Variants in EGF observed in about 807,000 individuals in gnomAD.
The protein encoded by EGF is epidermal growth factor.
A neutral mutation model predicts 143.8 loss-of-function variants in EGF; 95 were observed. The ratio of observed to expected loss-of-function variants is 0.66; its 90% CI spans 0.56 to 0.78. EGF has a LOEUF of 0.78. EGF is among the 30% of genes least tolerant of loss of function. The pLI, the probability that EGF is intolerant of heterozygous loss-of-function variation, is 0.00. For synonymous variants in EGF, 510 were observed against 510.5 expected, an observed-to-expected ratio of 1.00 and a Z score of 0.01; for missense variants, 1,320 against 1,470.9, an observed-to-expected ratio of 0.90 and a Z score of 1.68.
At position 109,959,429 on chromosome 4, in the gene EGF, A is replaced by G. The variant is rs1293727643; in HGVS notation, c.1058A>G (p.Tyr353Cys). Residue 353 changes from tyrosine to cysteine, a missense_variant, in exon 6 of 24, where the codon TAC (tyrosine) becomes TGC (cysteine). Coordinates refer to ENST00000265171, the MANE Select transcript of EGF (RefSeq NM_001963.6). ...TACGCCCTAAGTCGAGACCGGAAGT[A>G]CTGTGAAGGTAATGACTGGAAGTAC... ...EGYALSRDRK[Y>C]CEDVNECAFW... The G allele has an allele frequency of 1.2e-6, 2 of 1,613,812 alleles. No homozygotes were observed. Among genetic ancestry groups the G allele is most frequent in the South Asian group, 1.1e-5 (1 of 91,074 alleles).
chr4:109,976,327 T>A, intron 13 of EGF, 92 bp downstream of exon 13: 1 of 1,088,122 alleles, frequency 9.2e-7, no homozygotes, highest in Non-Finnish European at 1.4e-6. Flanking sequence ...ACATACCACT[T>A]AGCCGTATGG....
intron 5 of EGF, among the ~76,000 whole-genome samples, chr4:109,955,585 A>G (rs1426380276): frequency 6.6e-6 from 1 of 152,206 alleles, no homozygotes; most frequent in African/African-American, 2.4e-5. Flanking sequence ...TGTATTGTTA[A>G]TAAGCATCAC....
intron 21 of EGF, among the ~76,000 whole-genome samples, chr4:110,003,874 T>C (rs1352017017): frequency 6.6e-6 from 1 of 152,202 alleles, no homozygotes; most frequent in African/African-American, 2.4e-5. Flanking sequence ...TCTAATTTCT[T>C]TATGAGTGAG....
chr4:109,965,448 A>G (rs1051517600), intron 10 of EGF, among the ~76,000 whole-genome samples: 2 of 152,162 alleles, frequency 1.3e-5, no homozygotes, highest in African/African-American at 4.8e-5. Context: ...ACACTAGCAA[A>G]CAATTCTTTT....
At chr4:109,919,914 T>C (rs1394848524) in intron 1 of EGF, among the ~76,000 whole-genome samples, 3 of 151,790 alleles carry the variant, frequency 2.0e-5, no homozygotes, top group Admixed American at 6.5e-5. Flanking sequence ...GTGTAAACGA[T>C]ACACATCTGT....
At chr4:110,011,144 T>C in intron 23 of EGF, 58 bp from the exon 24 acceptor site, 2 of 1,597,590 alleles carry the variant, frequency 1.3e-6, no homozygotes, top group South Asian at 2.2e-5. Flanking sequence ...TTAGGGTCTG[T>C]CTTGCCTATC....
intron 1 of EGF, among the ~76,000 whole-genome samples, chr4:109,924,908 C>G (rs1269388783): frequency 6.6e-6 from 1 of 152,150 alleles, no homozygotes; most frequent in East Asian, 1.9e-4. Flanking sequence ...CGACGAACCT[C>G]ACAAAAACTG....
intron 21 of EGF, among the ~76,000 whole-genome samples, chr4:110,003,356 T>C (rs2126184152): frequency 1.3e-5 from 2 of 152,348 alleles, no homozygotes; most frequent in Middle Eastern, 6.8e-3. Context: ...TAATAGCCAT[T>C]CTGACTGGTA....
Position 109,980,027 on chromosome 4 carries a change from T to C in EGF, c.2109T>C (p.Ala703=). Reference sequence around the variant, plus strand: ...ATTATGTGTGGTTCTCAGATTGGGCTATGCCATCAGTAATGAGAGTAAACA... The same window carrying C: ...ATTATGTGTGGTTCTCAGATTGGGCCATGCCATCAGTAATGAGAGTAAACA... The part of the protein sequence containing the change: ...FEDYVWFSDW[A]MPSVMRVNKR... Residue 703 remains alanine, a synonymous_variant, in exon 14 of 24, where the codon GCT becomes GCC. Coordinates refer to ENST00000265171, the MANE Select transcript of EGF (RefSeq NM_001963.6). 1.2e-6 allele frequency: 2 copies of C among 1,614,092 alleles called. No individual in the cohort carries two copies. Among genetic ancestry groups the C allele is most frequent in the Non-Finnish European group, 8.5e-7 (1 of 1,179,966 alleles).
intron 10 of EGF, among the ~76,000 whole-genome samples, chr4:109,964,944 T>C (rs1746307092): frequency 1.3e-5 from 2 of 152,162 alleles, no homozygotes; most frequent in Middle Eastern, 3.4e-3. Flanking sequence ...GATTAGTAAT[T>C]TGTGTTTTAC....
chr4:109,999,925 T>C (rs2126174530), intron 21 of EGF, 79 bp downstream of exon 21: 2 of 1,583,804 alleles, frequency 1.3e-6, no homozygotes, highest in East Asian at 2.2e-5. Flanking sequence ...TGAGATGAGA[T>C]GTATGAAATA....
chr4:109,928,810 A>G (rs1463600313), intron 1 of EGF, among the ~76,000 whole-genome samples: 10 of 152,164 alleles, frequency 6.6e-5, no homozygotes, highest in Admixed American at 5.9e-4. Context: ...AATGCTGGTC[A>G]GCTGTGCCTG....
At chr4:109,963,605 A>G (rs955468090) in intron 9 of EGF, among the ~76,000 whole-genome samples, 1 of 152,204 alleles carries the variant, frequency 6.6e-6, no homozygotes, top group Non-Finnish European at 1.5e-5. Flanking sequence ...AGAGGCATTT[A>G]ATAAGTATTT....
chr4:109,917,533 G>A (rs1432574038), intron 1 of EGF, among the ~76,000 whole-genome samples: 2 of 151,708 alleles, frequency 1.3e-5, no homozygotes, highest in African/African-American at 2.4e-5. Context: ...TTACATTCAG[G>A]TGTACATGTG....
rs549158162 is a variant in EGF at position 109,913,693 on chromosome 4, T to G, written c.127+231T>G. On this transcript the variant is annotated intron_variant, in intron 1 of 23. Transcript: ENST00000265171. ...AACTGTACTTCTGTGTATAAGTGAA[T>G]GAATATGCCTCATTTTAAACTAGCA... Among the ~76,000 whole-genome samples the G allele has an allele frequency of 2.0e-5, 3 of 152,242 alleles. 1 individual carries two copies. The South Asian group carries it at 6.2e-4, about 32-fold the overall frequency.
intron 11 of EGF, among the ~76,000 whole-genome samples, chr4:109,971,459 A>T (rs1747644872): frequency 6.6e-6 from 1 of 152,198 alleles, no homozygotes; most frequent in South Asian, 2.1e-4. Context: ...GGGTCCACTA[A>T]GGATGCCAAG....
chr4:109,927,758 G>A (rs1038557856), intron 1 of EGF, among the ~76,000 whole-genome samples: 3 of 147,560 alleles, frequency 2.0e-5, no homozygotes, highest in Admixed American at 6.8e-5. Context: ...TCCAAAAGTA[G>A]ATGCAAAACT....
At chr4:109,919,248 T>C (rs1737247093) in intron 1 of EGF, among the ~76,000 whole-genome samples, 2 of 150,762 alleles carry the variant, frequency 1.3e-5, no homozygotes, top group Admixed American at 6.7e-5. Context: ...GTGAAGATTC[T>C]TGTAGGCAGT....
rs997137966 is a variant in EGF, at chr4:109,943,581, A to T, written c.509+146A>T. 9 of 893,646 alleles carry T rather than the reference A, an allele frequency of 1.0e-5. No homozygotes were observed. The African/African-American group carries it at 1.4e-4, about 13-fold the overall frequency. The allele number at this position is 893,646 out of a possible 1,614,324, so 55.4% of individuals were successfully genotyped here. ...ACACAGGCACCGTTTTCTATAGGAC[A>T]GTTGCCTGCATTTCAACTGAGACAG... On this transcript the variant is annotated intron_variant, in intron 3 of 23. Coordinates refer to ENST00000265171, the MANE Select transcript of EGF (RefSeq NM_001963.6).
Sources: gnomAD v4.1 joint callset for allele counts (sites outside exome capture counted in the v4.1 genomes callset) on GRCh38, gnomAD v4.1.1 for gene constraint, MANE v1.5 for transcripts, NCBI Gene and HGNC (gene_info 2026-07-23, HGNC 2026-07-21) for gene names.